Variants in CSMD1 observed in about 807,000 individuals in gnomAD.
CSMD1 encodes CUB and Sushi multiple domains 1, also known as CUB and sushi domain-containing protein 1.
In CSMD1, 213 loss-of-function variants were observed where a neutral mutation model predicts 417.5. The observed-to-expected ratio is 0.51, with a 90% CI of 0.46 to 0.57. The LOEUF is 0.57. CSMD1 is among the 20% of genes least tolerant of loss of function. The pLI, the probability that CSMD1 is intolerant of heterozygous loss-of-function variation, is 0.00. For synonymous variants in CSMD1, 2,862 were observed against 1,736.8 expected (o/e 1.65, Z -16.11); for missense variants, 6,923 against 4,529.7 (o/e 1.53, Z -15.17).
intron 1 of CSMD1, among the ~76,000 whole-genome samples, chr8:4,781,597 G>C (rs752364340): frequency 1.1e-4 from 17 of 152,146 alleles, no homozygotes; most frequent in Admixed American, 6.5e-4. Flanking sequence ...TTCAAATCTA[G>C]TCTTTTGTCT....
intron 2 of CSMD1, among the ~76,000 whole-genome samples, chr8:4,621,080 A>G (rs771072185): frequency 3.9e-5 from 6 of 152,098 alleles, no homozygotes; most frequent in Non-Finnish European, 7.4e-5. Flanking sequence ...ACTTAGAATA[A>G]TAACAGCAGC....
chr8:4,825,579 A>G (rs1799778059), intron 1 of CSMD1, among the ~76,000 whole-genome samples: 1 of 120,886 alleles, frequency 8.3e-6, no homozygotes. Context: ...ACTTCATACA[A>G]GTGGGATCAA....
intron 7 of CSMD1, among the ~76,000 whole-genome samples, chr8:3,654,406 C>T (rs1419983242): frequency 6.6e-6 from 1 of 151,874 alleles, no homozygotes; most frequent in African/African-American, 2.4e-5. Context: ...TGTAAAGTAC[C>T]CTTTGGTGTA....
chr8:4,766,775 C>T (rs1812494748), intron 1 of CSMD1, among the ~76,000 whole-genome samples: 1 of 152,146 alleles, frequency 6.6e-6, no homozygotes, highest in African/African-American at 2.4e-5. Context: ...GGTTTGTACG[C>T]ACAATGAGAG....
chr8:3,267,176 G>A (rs1334655469), intron 26 of CSMD1, among the ~76,000 whole-genome samples: 2 of 152,108 alleles, frequency 1.3e-5, no homozygotes, highest in South Asian at 2.1e-4. Flanking sequence ...GACCACCACT[G>A]CCTGGGAGAG....
chr8:3,689,779 A>AT (rs1296047654), intron 7 of CSMD1, among the ~76,000 whole-genome samples: 5 of 152,166 alleles, frequency 3.3e-5, no homozygotes, highest in African/African-American at 9.7e-5. Flanking sequence ...TTATAAAGTG[A>AT]TTTTCACAAA....
chr8:3,858,673 CTTT>C (rs35672053), intron 5 of CSMD1, among the ~76,000 whole-genome samples: 4 of 149,772 alleles, frequency 2.7e-5, no homozygotes, highest in Non-Finnish European at 3.0e-5. Context: ...TTCAGGAGAA[CTTT>C]TTTTTTTTCT....
At chr8:4,742,241 AG>A (rs1343741729) in intron 1 of CSMD1, among the ~76,000 whole-genome samples, 12 of 151,060 alleles carry the variant, frequency 7.9e-5, no homozygotes, top group Non-Finnish European at 1.3e-4. Context: ...CTTGTTAGCC[AG>A]GATGGTCTCG....
In CSMD1 at chr8:4,861,362, A is replaced by G. The variant is rs531841136; in HGVS notation, c.85+132970T>C. Among the ~76,000 whole-genome samples the G allele has an allele frequency of 5.9e-5, 9 of 152,260 alleles. 1 individual carries two copies. In the South Asian group the frequency reaches 1.2e-3, roughly 21 times the overall value. ...TGACATTTCAGGCTTTATGGGTTCA[A>G]TAGTTCCTTCTGAAGGCAGCTTGAC... On this transcript the variant is annotated intron_variant, in intron 1 of 69. Coordinates refer to ENST00000635120, the MANE Select transcript of CSMD1 (RefSeq NM_033225.6).
chr8:4,211,695 T>G (rs756568217), intron 3 of CSMD1, among the ~76,000 whole-genome samples: 7 of 152,164 alleles, frequency 4.6e-5, no homozygotes, highest in Non-Finnish European at 1.0e-4. Flanking sequence ...TTTAGGCAAG[T>G]TGAACATGAA....
At chr8:3,473,191 G>T (rs901584278) in intron 11 of CSMD1, among the ~76,000 whole-genome samples, 1 of 152,210 alleles carries the variant, frequency 6.6e-6, no homozygotes, top group South Asian at 2.1e-4. Flanking sequence ...ACTGAACTTT[G>T]CTTTAATTTA....
chr8:4,081,059 G>T (rs117933198), intron 3 of CSMD1, among the ~76,000 whole-genome samples: 1 of 152,044 alleles, frequency 6.6e-6, no homozygotes, highest in Admixed American at 6.6e-5. Flanking sequence ...CATCCCCTTG[G>T]GTAATTCAGT....
chr8:4,819,909 A>G (rs1290885309), intron 1 of CSMD1, among the ~76,000 whole-genome samples: 1 of 152,120 alleles, frequency 6.6e-6, no homozygotes, highest in Non-Finnish European at 1.5e-5. Flanking sequence ...GGGTGGGGAG[A>G]ACCATTTATG....
intron 3 of CSMD1, among the ~76,000 whole-genome samples, chr8:4,154,569 G>T (rs1460823754): frequency 2.6e-5 from 4 of 152,152 alleles, no homozygotes; most frequent in Non-Finnish European, 5.9e-5. Context: ...GCCGTGAGCT[G>T]GGCCAAGAGG....
chr8:4,354,870 G>C (rs1391757268), intron 3 of CSMD1, among the ~76,000 whole-genome samples: 1 of 116,952 alleles, frequency 8.6e-6, no homozygotes, highest in Non-Finnish European at 1.6e-5. Flanking sequence ...AATGTAGTGT[G>C]TGTGTGTGTG....
chr8:3,926,805 TC>T (rs1303314207), intron 5 of CSMD1, among the ~76,000 whole-genome samples: 1 of 137,546 alleles, frequency 7.3e-6, no homozygotes, highest in Non-Finnish European at 1.5e-5. Flanking sequence ...AACCTCTGCC[TC>T]CCGGGTTCAA....
At chr8:4,215,276 T>C (rs1026608731) in intron 3 of CSMD1, among the ~76,000 whole-genome samples, 12 of 152,216 alleles carry the variant, frequency 7.9e-5, no homozygotes, top group Non-Finnish European at 1.2e-4. Context: ...AATGCTGTAC[T>C]TTTCATAATA....
intron 5 of CSMD1, among the ~76,000 whole-genome samples, chr8:3,974,199 C>A (rs1240611349): frequency 6.6e-6 from 1 of 152,000 alleles, no homozygotes. Context: ...GCTGAAAGAT[C>A]AAAGCCAGGA....
At chr8:4,492,421 C>T (rs555895363) in intron 2 of CSMD1, among the ~76,000 whole-genome samples, 7 of 152,216 alleles carry the variant, frequency 4.6e-5, no homozygotes, top group South Asian at 2.1e-4. Flanking sequence ...GGCAAAACTA[C>T]GGAAGGTGAA....
Sources: allele counts gnomAD v4.1 joint callset (sites outside exome capture counted in the v4.1 genomes callset), GRCh38; gene constraint gnomAD v4.1.1; transcripts MANE v1.5; gene names NCBI Gene and HGNC (gene_info 2026-07-23, HGNC 2026-07-21).